Variants in LAMC1 observed in about 807,000 individuals in gnomAD.
LAMC1 encodes the protein laminin subunit gamma-1.
Under a neutral mutation model 173.6 loss-of-function variants are expected in LAMC1, and 38 were observed. The observed-to-expected ratio is 0.22, with a 90% CI of 0.17 to 0.29. The LOEUF is 0.29. Among genes scored for constraint, LAMC1 ranks in the 10% least tolerant of loss-of-function variants. LAMC1 has a pLI of 1.00. For missense variants in LAMC1, 1,824 were observed against 2,051.8 expected (o/e 0.89, Z 2.14); for synonymous variants, 746 against 749.1 (o/e 1.00, Z 0.07).
chr1:183,062,823 G>GGGATTA (rs796295540), intron 1 of LAMC1, among the ~76,000 whole-genome samples: 93 of 152,196 alleles, frequency 6.1e-4, no homozygotes, highest in African/African-American at 2.1e-3. Context: ...GCTTGGTGGT[G>GGGATTA]CATGCCTGTA....
Position 183,127,505 on chromosome 1 carries a change from G to A in LAMC1, c.3123+101G>A. On this transcript the variant is annotated intron_variant, in intron 17 of 27. Transcript: ENST00000258341. ...AGAAAAAGTGGTGAACAAGGTAGAT[G>A]TGGTCCCTGTTCTTAAAGACTTATG... 5 of 979,486 alleles carry A rather than the reference G, an allele frequency of 5.1e-6. No individual in the cohort carries two copies. In the South Asian group the frequency reaches 8.2e-5, roughly 16 times the overall value. 60.7% of individuals were successfully genotyped at this position (979,486 alleles called of 1,614,324 possible). A position where few individuals can be genotyped will look rare whatever the true frequency, so the allele number is the denominator to read the frequency against.
At position 183,124,706 on chromosome 1, in the gene LAMC1, G is replaced by A. The variant is rs146642388; in HGVS notation, c.2477G>A (p.Arg826His). ...LGRNGPVRLC[R>H]LCQCSDNIDP... Reference sequence around the variant, plus strand: ...AGAAACGGCCCTGTGAGACTTTGCCGCCTGTGCCAGTGCAGTGACAACATC... The same window carrying A: ...AGAAACGGCCCTGTGAGACTTTGCCACCTGTGCCAGTGCAGTGACAACATC... The change falls in exon 14 of 28, where the codon CGC (arginine) becomes CAC (histidine). Residue 826 changes from arginine (R) to histidine (H), a missense_variant. Physicochemically the swap from Arg to His is conservative, Grantham distance 29. Transcript: ENST00000258341. 3.2e-5 allele frequency: 52 copies of A among 1,614,204 alleles called. No individual in the cohort carries two copies. The African/African-American group carries it at 5.3e-4, about 17-fold the overall frequency.
At chr1:183,024,295 A>ATTT (rs1160271239) in intron 1 of LAMC1, among the ~76,000 whole-genome samples, 161 bp downstream of exon 1, 8 of 152,222 alleles carry the variant, frequency 5.3e-5, no homozygotes, top group African/African-American at 1.9e-4. Context: ...AACTTCTTAA[A>ATTT]TAGATACTGC....
intron 1 of LAMC1, among the ~76,000 whole-genome samples, chr1:183,070,575 G>A (rs991063151): frequency 6.6e-6 from 1 of 152,112 alleles, no homozygotes; most frequent in South Asian, 2.1e-4. Flanking sequence ...TGAGATAAGA[G>A]CTCCTATTAG....
intron 1 of LAMC1, among the ~76,000 whole-genome samples, chr1:183,087,231 A>G (rs1263509417): frequency 6.6e-6 from 1 of 152,136 alleles, no homozygotes; most frequent in Non-Finnish European, 1.5e-5. Flanking sequence ...TGAATCATTG[A>G]CTGAATTAAC....
At chr1:183,071,605 A>G (rs1655013158) in intron 1 of LAMC1, among the ~76,000 whole-genome samples, 1 of 152,244 alleles carries the variant, frequency 6.6e-6, no homozygotes, top group South Asian at 2.1e-4. Context: ...AAACACACAC[A>G]GCTCAGCTGA....
At chr1:183,047,748 C>A (rs1352031382) in intron 1 of LAMC1, among the ~76,000 whole-genome samples, 2 of 152,018 alleles carry the variant, frequency 1.3e-5, no homozygotes, top group African/African-American at 4.8e-5. Flanking sequence ...GGAGACAGTC[C>A]CATACAACAA....
chr1:183,097,818 C>A (rs1655732176), intron 1 of LAMC1, among the ~76,000 whole-genome samples: 2 of 152,138 alleles, frequency 1.3e-5, no homozygotes, highest in Admixed American at 1.3e-4. Flanking sequence ...TTGTGTGCTT[C>A]ATTCTAAACA....
chr1:183,101,100 C>T (rs1380682116), intron 1 of LAMC1, among the ~76,000 whole-genome samples: 1 of 151,910 alleles, frequency 6.6e-6, no homozygotes, highest in Non-Finnish European at 1.5e-5. Context: ...CTCCTTTGGC[C>T]CAGTCTGCTG....
chr1:183,100,331 A>G (rs1393378300), intron 1 of LAMC1, among the ~76,000 whole-genome samples: 1 of 152,140 alleles, frequency 6.6e-6, no homozygotes, highest in Non-Finnish European at 1.5e-5. Flanking sequence ...CTGATCATGT[A>G]TTTTCTGGTT....
rs1023981907 is a variant in LAMC1 at position 183,144,652 on chromosome 1, G to T, written c.*1862G>T. On this transcript the variant is annotated 3_prime_UTR_variant, in exon 28 of 28. Coordinates refer to ENST00000258341, the MANE Select transcript of LAMC1 (RefSeq NM_002293.4). ...ACGCCAGGTTGACAAGCTATGGTAG[G>T]ATTAGGAAAGTTTGCTGAAGAGGAT... 2.0e-5 allele frequency: 3 copies of T among 152,220 alleles called. No homozygotes were observed. The highest frequency in any genetic ancestry group is 1.5e-5 in the Non-Finnish European group (1 of 68,050). 9.4% of individuals were successfully genotyped at this position (152,220 alleles called of 1,614,324 possible).
At chr1:183,032,958 A>T (rs536361287) in intron 1 of LAMC1, among the ~76,000 whole-genome samples, 11 of 152,208 alleles carry the variant, frequency 7.2e-5, no homozygotes, top group African/African-American at 2.6e-4. Flanking sequence ...AATTTTACAT[A>T]TGTAAAATTT....
chr1:183,032,341 G>A (rs1653869029), intron 1 of LAMC1, among the ~76,000 whole-genome samples: 1 of 152,168 alleles, frequency 6.6e-6, no homozygotes, highest in African/African-American at 2.4e-5. Flanking sequence ...TTGAACTTTA[G>A]GAGTTACATT....
chr1:183,132,440 A>T lies in LAMC1; in HGVS notation c.3607A>T (p.Thr1203Ser). 6.2e-7 allele frequency: 1 copy of T among 1,613,720 alleles called. No individual in the cohort carries two copies. Among genetic ancestry groups the T allele is most frequent in the Non-Finnish European group, 8.5e-7 (1 of 1,179,614 alleles). ...EADDIVRVAK[T>S]ANDTSTEAYN... is the part of the protein sequence containing the mutation. ...TGATGACATTGTTCGAGTGGCAAAG[A>T]CAGCCAATGATACGTCAACTGAGGC... The change falls in exon 21 of 28, where the codon ACA (threonine) becomes TCA (serine). Residue 1203 changes from threonine to serine, a missense_variant. Transcript: ENST00000258341.
At chr1:183,137,388 C>A (rs891698861) in intron 25 of LAMC1, among the ~76,000 whole-genome samples, 3 of 151,964 alleles carry the variant, frequency 2.0e-5, no homozygotes, top group African/African-American at 7.3e-5. Context: ...ATGACCCCAA[C>A]TAAAAATAGC....
intron 3 of LAMC1, 87 bp downstream of exon 3, chr1:183,108,493 A>G (rs539080244): frequency 1.6e-5 from 19 of 1,192,498 alleles, no homozygotes; most frequent in Non-Finnish European, 2.3e-5. Context: ...CTATGTTAAT[A>G]CCGTTGTTAG....
At chr1:183,103,279 G>A (rs1571441160) in intron 1 of LAMC1, 49 bp from the exon 2 acceptor site, 1 of 1,543,178 alleles carries the variant, frequency 6.5e-7, no homozygotes, top group Non-Finnish European at 8.8e-7. Context: ...GAGGGCATTT[G>A]TTTGCTTCAT....
intron 1 of LAMC1, among the ~76,000 whole-genome samples, chr1:183,077,027 G>A (rs1221335303): frequency 2.0e-5 from 3 of 152,164 alleles, no homozygotes; most frequent in African/African-American, 4.8e-5. Context: ...CCAAGATTGC[G>A]TTTCATGAGT....
chr1:183,111,307 G>A (rs571795043), intron 4 of LAMC1, among the ~76,000 whole-genome samples: 75 of 152,086 alleles, frequency 4.9e-4, no homozygotes, highest in African/African-American at 1.6e-3. Context: ...GGCTGGTCTC[G>A]AACTCCTGAC....
Sources: allele counts gnomAD v4.1 joint callset (sites outside exome capture counted in the v4.1 genomes callset), GRCh38; gene constraint gnomAD v4.1.1; transcripts MANE v1.5; gene names NCBI Gene and HGNC (gene_info 2026-07-23, HGNC 2026-07-21).